CHST8: variants seen among roughly 807,000 people sequenced by gnomAD.
CHST8 encodes GALNAC-4-ST1.
A neutral mutation model predicts 15.0 loss-of-function variants in CHST8; 10 were observed. The observed-to-expected ratio is 0.67, with a 90% CI of 0.41 to 1.13. The LOEUF is 1.13. Ranked by LOEUF, CHST8 falls within the 50% of genes most tolerant of loss-of-function variation. The pLI, the probability that CHST8 is intolerant of heterozygous loss-of-function variation, is 0.00. For missense variants in CHST8, 634 were observed against 608.2 expected (o/e 1.04, Z -0.45); for synonymous variants, 259 against 256.6 (o/e 1.01, Z -0.09).
intron 1 of CHST8, among the ~76,000 whole-genome samples, chr19:33,642,394 T>C (rs1428506489): frequency 6.6e-6 from 1 of 151,714 alleles, no homozygotes; most frequent in Non-Finnish European, 1.5e-5. Flanking sequence ...TGAGATAGGG[T>C]CTCTGTCGCC....
intron 3 of CHST8, among the ~76,000 whole-genome samples, chr19:33,749,414 C>G (rs1471103545): frequency 8.8e-6 from 1 of 113,094 alleles, no homozygotes; most frequent in Non-Finnish European, 1.8e-5. Flanking sequence ...CTCCTATCAT[C>G]CCCCCTCCAT....
intron 1 of CHST8, among the ~76,000 whole-genome samples, chr19:33,659,030 ATTTTTATTG>A: frequency 1.2e-5 from 1 of 83,602 alleles, no homozygotes; most frequent in East Asian, 3.2e-4. Flanking sequence ...GCTAGATTCT[ATTTTTATTG>A]TTTCATGGTT....
chr19:33,732,552 T>C (rs549381902), intron 3 of CHST8, among the ~76,000 whole-genome samples: 1 of 152,030 alleles, frequency 6.6e-6, no homozygotes, highest in East Asian at 2.0e-4. Flanking sequence ...GTTTTAAAGA[T>C]GCAGAACACA....
At position 33,657,182 on chromosome 19, in the gene CHST8, TACACATAC is replaced by T; in HGVS notation, c.-163-10575_-163-10568del. ...AAACACACATATACTTATACACACA[TACACATAC>T]ACACATACATATACATACACAAACA... On this transcript the variant is annotated intron_variant, in intron 1 of 4. Transcript: ENST00000650847. 2.0e-5 allele frequency among the ~76,000 whole-genome samples: 3 copies of T among 148,734 alleles called. No homozygotes were observed. The South Asian group carries it at 6.5e-4, about 32-fold the overall frequency.
At chr19:33,691,518 G>C (rs902623858) in intron 3 of CHST8, among the ~76,000 whole-genome samples, 1 of 152,168 alleles carries the variant, frequency 6.6e-6, no homozygotes, top group South Asian at 2.1e-4. Context: ...TTCCTTCCCT[G>C]TACTTCTCAC....
At chr19:33,705,787 G>A (rs1973434818) in intron 3 of CHST8, among the ~76,000 whole-genome samples, 1 of 152,120 alleles carries the variant, frequency 6.6e-6, no homozygotes, top group Non-Finnish European at 1.5e-5. Context: ...GCCCAGCAAG[G>A]GACTCTGCAG....
chr19:33,724,992 G>A (rs1973867273), intron 3 of CHST8, among the ~76,000 whole-genome samples: 1 of 152,192 alleles, frequency 6.6e-6, no homozygotes, highest in Non-Finnish European at 1.5e-5. Flanking sequence ...AGGGCACAGA[G>A]CTCCCGGGAG....
intron 3 of CHST8, among the ~76,000 whole-genome samples, chr19:33,740,159 G>A (rs1223763439): frequency 6.6e-6 from 1 of 152,196 alleles, no homozygotes; most frequent in Non-Finnish European, 1.5e-5. Flanking sequence ...GGAGCCCCAA[G>A]TGGAGAAACT....
intron 1 of CHST8, among the ~76,000 whole-genome samples, chr19:33,635,428 C>A (rs978536833): frequency 6.6e-6 from 1 of 152,064 alleles, no homozygotes; most frequent in African/African-American, 2.4e-5. Context: ...TATACACAAC[C>A]CTGACTTAGC....
At chr19:33,770,982 T>A (rs1974969237) in intron 3 of CHST8, among the ~76,000 whole-genome samples, 1 of 152,154 alleles carries the variant, frequency 6.6e-6, no homozygotes, top group Non-Finnish European at 1.5e-5. Flanking sequence ...AACTGGGGCA[T>A]GGCTGATGGG....
rs530139065 is a variant in CHST8, at chr19:33,693,083, C to T, written c.130+3692C>T. ...GTGCAATGGTGCGATCTCAGCCCAC[C>T]GCAAACTCCACCTCCTGAGTTCAAG... On this transcript the variant is annotated intron_variant, in intron 3 of 4. Coordinates refer to ENST00000650847, the MANE Select transcript of CHST8 (RefSeq NM_001127895.2). 5.9e-5 allele frequency among the ~76,000 whole-genome samples: 9 copies of T among 151,706 alleles called. No homozygotes were observed. In the South Asian group the frequency reaches 6.3e-4, roughly 11 times the overall value.
intron 1 of CHST8, among the ~76,000 whole-genome samples, chr19:33,646,283 T>C (rs1487165231): frequency 6.6e-6 from 1 of 152,028 alleles, no homozygotes; most frequent in Admixed American, 6.6e-5. Context: ...GCCGGCTGTG[T>C]TAGGGATGAA....
In CHST8 at chr19:33,765,007, C is replaced by T. The variant is rs549028977; in HGVS notation, c.131-6406C>T. Among the ~76,000 whole-genome samples the T allele has an allele frequency of 1.9e-4, 27 of 145,736 alleles. 1 individual carries two copies. The South Asian group carries it at 4.9e-3, about 26-fold the overall frequency. On this transcript the variant is annotated intron_variant, in intron 3 of 4. Coordinates refer to ENST00000650847, the MANE Select transcript of CHST8 (RefSeq NM_001127895.2). ...GTCTCCAGTCTCACCCAGGTGGCTG[C>T]GAATGCCATTAATTCATTCCTTTTT...
At chr19:33,721,030 G>T (rs1973780113) in intron 3 of CHST8, among the ~76,000 whole-genome samples, 1 of 152,204 alleles carries the variant, frequency 6.6e-6, no homozygotes, top group Non-Finnish European at 1.5e-5. Context: ...GCCATCCCAG[G>T]TTCAGGGCCA....
intron 3 of CHST8, among the ~76,000 whole-genome samples, chr19:33,727,661 C>G (rs1200117506): frequency 1.3e-5 from 2 of 152,180 alleles, no homozygotes; most frequent in East Asian, 3.8e-4. Flanking sequence ...CTCCAGGCCC[C>G]CCGGAAGGAG....
intron 1 of CHST8, among the ~76,000 whole-genome samples, chr19:33,649,940 T>C (rs530935657): frequency 1.7e-3 from 253 of 152,326 alleles, no homozygotes; most frequent in African/African-American, 5.9e-3. Flanking sequence ...AAGAAACTCC[T>C]GTGGCAGTTA....
chr19:33,644,705 C>T (rs1972328014), intron 1 of CHST8, among the ~76,000 whole-genome samples: 1 of 152,072 alleles, frequency 6.6e-6, no homozygotes, highest in Non-Finnish European at 1.5e-5. Flanking sequence ...TGTGCCACTG[C>T]ACTCTAGCCT....
At chr19:33,655,757 A>G (rs1364120394) in intron 1 of CHST8, among the ~76,000 whole-genome samples, 1 of 151,890 alleles carries the variant, frequency 6.6e-6, no homozygotes, top group Non-Finnish European at 1.5e-5. Flanking sequence ...TCTCTTTCTT[A>G]TTAATGTTGT....
intron 3 of CHST8, among the ~76,000 whole-genome samples, chr19:33,725,469 T>C (rs1325727230): frequency 6.6e-6 from 1 of 152,178 alleles, no homozygotes; most frequent in Non-Finnish European, 1.5e-5. Flanking sequence ...TGCTGAGCCC[T>C]GCGTGGGGCC....
Sources: allele counts gnomAD v4.1 joint callset (sites outside exome capture counted in the v4.1 genomes callset), GRCh38; gene constraint gnomAD v4.1.1; transcripts MANE v1.5; gene names NCBI Gene and HGNC (gene_info 2026-07-23, HGNC 2026-07-21).